GDPD4: variants seen among roughly 807,000 people sequenced by gnomAD.
GDPD4 encodes glycerophosphodiester phosphodiesterase domain containing 4.
In GDPD4, 60 loss-of-function variants were observed where a neutral mutation model predicts 67.8. The ratio of observed to expected loss-of-function variants is 0.88; its 90% CI spans 0.72 to 1.10. GDPD4 has a LOEUF of 1.10. Ranked by LOEUF, GDPD4 falls within the 50% of genes least tolerant of loss-of-function variation. The pLI is 0.00. For missense variants in GDPD4, 623 were observed against 613.9 expected, an observed-to-expected ratio of 1.01 and a Z score of -0.16; for synonymous variants, 212 against 210.9, an observed-to-expected ratio of 1.00 and a Z score of -0.04.
At position 77,290,207 on chromosome 11, in the gene GDPD4, C is replaced by T. The variant is rs542694272; in HGVS notation, c.-253-2787G>A. Among the ~76,000 whole-genome samples, 4 of 152,278 alleles carry T rather than the reference C, an allele frequency of 2.6e-5. No individual in the cohort carries two copies. The East Asian group carries it at 7.7e-4, about 29-fold the overall frequency. On this transcript the variant is annotated intron_variant, in intron 1 of 16. Coordinates refer to ENST00000315938, the MANE Select transcript of GDPD4 (RefSeq NM_182833.3). ...CCAGTCAGACTAATAGTGGATTTCT[C>T]AGTAGAAATCTTACACGATAGGAGA...
intron 10 of GDPD4, among the ~76,000 whole-genome samples, chr11:77,267,821 T>G (rs1185471072): frequency 2.0e-5 from 3 of 152,162 alleles, no homozygotes; most frequent in Non-Finnish European, 4.4e-5. Flanking sequence ...ATGAATTCCC[T>G]GGAATTTTCT....
At position 77,245,393 on chromosome 11, in the gene GDPD4, C is replaced by T. The variant is rs1958760781; in HGVS notation, c.974G>A (p.Arg325Lys). The change falls in exon 12 of 17, where the codon AGA becomes AAA. Residue 325 changes from arginine to lysine, a missense_variant. Coordinates refer to ENST00000315938, the MANE Select transcript of GDPD4 (RefSeq NM_182833.3). Reference sequence around the variant, plus strand: ...ATGAAGATCAAATATCACAAATTTTCTTTCCTTCTCTGCAAGTGTCAATAA... The same window carrying T: ...ATGAAGATCAAATATCACAAATTTTTTTTCCTTCTCTGCAAGTGTCAATAA... ...ADLLTLAEKE[R>K]KFVIFDLHRP... 6.2e-7 allele frequency: 1 copy of T among 1,614,176 alleles called. No homozygotes were observed. Among genetic ancestry groups the T allele is most frequent in the African/African-American group, 1.3e-5 (1 of 75,058 alleles).
chr11:77,295,279 C>T (rs1937917025), intron 1 of GDPD4, among the ~76,000 whole-genome samples: 1 of 151,790 alleles, frequency 6.6e-6, no homozygotes, highest in East Asian at 1.9e-4. Flanking sequence ...TGAGCCACCA[C>T]ACCCAGCCCA....
chr11:77,233,211 G>A (rs775457747), intron 13 of GDPD4, 39 bp from the exon 14 acceptor site: 4 of 1,596,190 alleles, frequency 2.5e-6, no homozygotes, highest in South Asian at 1.1e-5. Context: ...TTTAGATCAA[G>A]TTTCATTCTC....
chr11:77,247,324 C>A (rs1196936519), intron 11 of GDPD4, among the ~76,000 whole-genome samples: 1 of 152,162 alleles, frequency 6.6e-6, no homozygotes, highest in East Asian at 1.9e-4. Context: ...AACTATTAAA[C>A]CTTCTTGTGA....
In GDPD4 at chr11:77,217,194, G is replaced by C. The variant is rs1211120453; in HGVS notation, c.*83C>G. 5.8e-6 allele frequency: 6 copies of C among 1,030,310 alleles called. No individual in the cohort carries two copies. Among genetic ancestry groups the C allele is most frequent in the Non-Finnish European group, 9.3e-6 (6 of 646,662 alleles). The allele number at this position is 1,030,310 out of a possible 1,614,324, so 63.8% of individuals were successfully genotyped here. On this transcript the variant is annotated 3_prime_UTR_variant, in exon 17 of 17. Transcript: ENST00000315938. ...TGGTGTTCCTTTCCACTCTTGGGTA[G>C]AGCCGGGTAGAGGGCTGCTAGAGTC... is the stretch of plus-strand genomic sequence containing the variant.
intron 16 of GDPD4, among the ~76,000 whole-genome samples, chr11:77,222,369 C>T (rs1336194679): frequency 1.3e-5 from 2 of 152,154 alleles, no homozygotes; most frequent in East Asian, 3.8e-4. Flanking sequence ...CTGGTTGTTC[C>T]TTTCCATGTT....
chr11:77,274,726 A>T (rs1019405295), intron 5 of GDPD4, among the ~76,000 whole-genome samples: 1 of 152,216 alleles, frequency 6.6e-6, no homozygotes, highest in African/African-American at 2.4e-5. Flanking sequence ...TTAAGACTTA[A>T]GGGGACCACT....
chr11:77,248,405 G>A (rs1167021842), intron 11 of GDPD4, among the ~76,000 whole-genome samples: 4 of 151,826 alleles, frequency 2.6e-5, no homozygotes, highest in Non-Finnish European at 5.9e-5. Context: ...GTTTCACCAC[G>A]TTGGCCAGGC....
In GDPD4 at chr11:77,236,222, T is replaced by G. The variant is rs535696929; in HGVS notation, c.1242-3050A>C. Among the ~76,000 whole-genome samples, 7 of 152,206 alleles carry G rather than the reference T, an allele frequency of 4.6e-5. No individual in the cohort carries two copies. In the East Asian group the frequency reaches 1.2e-3, roughly 25 times the overall value. ...CTTGTTATTAAAGTTCTAGGGTACATGTGCACAACGTGCAGGTTTGTTACA... is the reference window on the plus strand; with the variant it reads ...CTTGTTATTAAAGTTCTAGGGTACAGGTGCACAACGTGCAGGTTTGTTACA... On this transcript the variant is annotated intron_variant, in intron 13 of 16. Transcript: ENST00000315938.
chr11:77,271,874 G>A (rs1263861074), intron 5 of GDPD4, among the ~76,000 whole-genome samples: 1 of 152,108 alleles, frequency 6.6e-6, no homozygotes, highest in Non-Finnish European at 1.5e-5. Flanking sequence ...TATTTTTTAT[G>A]ATTACATCCT....
At chr11:77,237,525 C>T (rs1323532265) in intron 13 of GDPD4, among the ~76,000 whole-genome samples, 1 of 152,124 alleles carries the variant, frequency 6.6e-6, no homozygotes, top group Non-Finnish European at 1.5e-5. Context: ...GAGAAGCTCA[C>T]CAAGATAAAC....
Position 77,273,494 on chromosome 11 carries a change from A to C in GDPD4, c.208-2101T>G, listed in dbSNP as rs756993404. On this transcript the variant is annotated intron_variant, in intron 5 of 16. Transcript: ENST00000315938. Reference sequence around the variant, plus strand: ...ATGCCTCAGAAGATGAAGGCTTAGAAAACAAGATTTTACTAACAAATATTG... The same window carrying C: ...ATGCCTCAGAAGATGAAGGCTTAGACAACAAGATTTTACTAACAAATATTG... Among the ~76,000 whole-genome samples the C allele has an allele frequency of 5.3e-5, 8 of 152,328 alleles. No homozygotes were observed. The East Asian group carries it at 9.6e-4, about 18-fold the overall frequency.
chr11:77,296,856 G>C (rs995414930), intron 1 of GDPD4, among the ~76,000 whole-genome samples: 1 of 147,086 alleles, frequency 6.8e-6, no homozygotes, highest in Non-Finnish European at 1.5e-5. Context: ...TCAGGAGTTC[G>C]AGACCAGCCT....
intron 10 of GDPD4, among the ~76,000 whole-genome samples, chr11:77,265,426 T>C (rs1232604516): frequency 6.6e-6 from 1 of 152,166 alleles, no homozygotes; most frequent in Non-Finnish European, 1.5e-5. Context: ...TTAGAATCAC[T>C]TTATCTATAT....
At chr11:77,285,334 C>T in intron 2 of GDPD4, 147 bp from the exon 3 acceptor site, 1 of 578,136 alleles carries the variant, frequency 1.7e-6, no homozygotes, top group Non-Finnish European at 3.1e-6. Flanking sequence ...TCTTTTTACC[C>T]CTACCAAATC....
At chr11:77,297,537 GAAA>G (rs576071684) in intron 1 of GDPD4, among the ~76,000 whole-genome samples, 2 of 77,984 alleles carry the variant, frequency 2.6e-5, no homozygotes, top group African/African-American at 9.7e-5. Flanking sequence ...CTCCGTCTCA[GAAA>G]AAAAAAAAAA....
chr11:77,227,781 A>G, intron 16 of GDPD4, 83 bp downstream of exon 16: 2 of 872,626 alleles, frequency 2.3e-6, no homozygotes, highest in Non-Finnish European at 3.7e-6. Context: ...AGCTCTTGTC[A>G]GGGACATGAA....
intron 11 of GDPD4, among the ~76,000 whole-genome samples, chr11:77,257,797 C>A (rs1030462417): frequency 2.6e-5 from 4 of 152,152 alleles, no homozygotes; most frequent in African/African-American, 9.7e-5. Flanking sequence ...CATTATTAGT[C>A]TATACATCTC....
Sources: gnomAD v4.1 joint callset for allele counts (sites outside exome capture counted in the v4.1 genomes callset) on GRCh38, gnomAD v4.1.1 for gene constraint, MANE v1.5 for transcripts, NCBI Gene and HGNC (gene_info 2026-07-23, HGNC 2026-07-21) for gene names.